GDA: variants seen among roughly 807,000 people sequenced by gnomAD.
GDA encodes guanine deaminase, also known as cytoplasmic PSD-95 interactor.
GDA carries 18 observed loss-of-function variants against 59.6 expected under a neutral mutation model. The observed-to-expected ratio is 0.30, with a 90% CI of 0.21 to 0.45. The LOEUF (loss-of-function observed/expected upper bound fraction) is 0.45. Ranked by LOEUF, GDA falls within the 20% of genes least tolerant of loss-of-function variation. The probability of loss-of-function intolerance (pLI) is 1.00; values close to 1 mark genes in which losing one functional copy is unlikely to be tolerated. For synonymous variants in GDA, 201 were observed against 201.1 expected, an observed-to-expected ratio of 1.00 and a Z score of 0.00; for missense variants, 427 against 552.3, an observed-to-expected ratio of 0.77 and a Z score of 2.27.
At chr9:72,141,061 A>G (rs1037126324) in intron 1 of GDA, among the ~76,000 whole-genome samples, 1 of 152,186 alleles carries the variant, frequency 6.6e-6, no homozygotes, top group Admixed American at 6.6e-5. Flanking sequence ...TTAATGCTCC[A>G]TGGGGGAGAA....
intron 1 of GDA, among the ~76,000 whole-genome samples, chr9:72,187,487 C>T (rs752618272): frequency 6.6e-6 from 1 of 152,212 alleles, no homozygotes; most frequent in African/African-American, 2.4e-5. Context: ...GCCTCCAAAA[C>T]GGTGAGCCAA....
At chr9:72,145,088 CT>C (rs1826578371), upstream of GDA, among the ~76,000 whole-genome samples, 4 of 152,154 alleles carry the variant, frequency 2.6e-5, no homozygotes, top group African/African-American at 9.7e-5. Flanking sequence ...TCCCTGCACT[CT>C]CTGTACCTCA....
intron 10 of GDA, among the ~76,000 whole-genome samples, chr9:72,236,963 A>G (rs1393539095): frequency 6.6e-6 from 1 of 151,996 alleles, no homozygotes; most frequent in Admixed American, 6.6e-5. Context: ...TATTTTTAGT[A>G]GAGACAGGGT....
intron 1 of GDA, among the ~76,000 whole-genome samples, chr9:72,165,953 T>C (rs1375797018): frequency 6.6e-6 from 1 of 151,716 alleles, no homozygotes; most frequent in Non-Finnish European, 1.5e-5. Flanking sequence ...CATTTTAAGA[T>C]TTCCCCCTTC....
intron 1 of GDA, among the ~76,000 whole-genome samples, chr9:72,140,155 C>T (rs965332029): frequency 6.6e-5 from 10 of 152,176 alleles, no homozygotes; most frequent in African/African-American, 2.4e-4. Context: ...GGCTATAATG[C>T]TTTTGTTATT....
intron 1 of GDA, among the ~76,000 whole-genome samples, chr9:72,128,230 C>T (rs1019088169): frequency 6.6e-6 from 1 of 152,112 alleles, no homozygotes; most frequent in Non-Finnish European, 1.5e-5. Context: ...TATAAAGCTA[C>T]CTCCATATCT....
chr9:72,254,077 G>T (rs756943571), downstream of GDA, among the ~76,000 whole-genome samples: 3 of 152,294 alleles, frequency 2.0e-5, no homozygotes, highest in East Asian at 5.8e-4. Flanking sequence ...CACAGGTAAC[G>T]CTCACCAATG....
chr9:72,230,502 ATAT>A (rs368997972), intron 9 of GDA, among the ~76,000 whole-genome samples: 18,192 of 137,146 alleles, frequency 0.13, 1,357 homozygotes, highest in African/African-American at 0.22. Flanking sequence ...AAAAAAAAAA[ATAT>A]ATATATATAT....
downstream of GDA, among the ~76,000 whole-genome samples, chr9:72,255,209 A>G (rs556512623): frequency 2.0e-5 from 3 of 152,346 alleles, no homozygotes; most frequent in Non-Finnish European, 4.4e-5. Context: ...CCTGCTTTCA[A>G]TTACATGCAA....
intron 3 of GDA, among the ~76,000 whole-genome samples, chr9:72,205,110 CAAAAAA>C (rs71357549): frequency 2.3e-5 from 2 of 86,182 alleles, no homozygotes; most frequent in Non-Finnish European, 4.4e-5. Flanking sequence ...GACTCTGTCT[CAAAAAA>C]AAAAAAAAAA....
intron 1 of GDA, among the ~76,000 whole-genome samples, chr9:72,138,304 G>A (rs1334951029): frequency 6.6e-6 from 1 of 152,160 alleles, no homozygotes; most frequent in Non-Finnish European, 1.5e-5. Context: ...AGTTAGAAGA[G>A]AAGTGATTGC....
At chr9:72,182,094 ATT>A (rs150947151) in intron 1 of GDA, among the ~76,000 whole-genome samples, 20 of 151,972 alleles carry the variant, frequency 1.3e-4, no homozygotes, top group African/African-American at 3.9e-4. Flanking sequence ...TAAATACTTT[ATT>A]TTTTTTCCCT....
chr9:72,198,957 T>C (rs1177194759), intron 2 of GDA, among the ~76,000 whole-genome samples: 1 of 151,430 alleles, frequency 6.6e-6, no homozygotes, highest in East Asian at 1.9e-4. Context: ...ATTATGATGC[T>C]GATTAAGTAA....
intron 1 of GDA, among the ~76,000 whole-genome samples, chr9:72,180,096 C>T (rs1329222634): frequency 6.6e-6 from 1 of 152,134 alleles, no homozygotes; most frequent in Non-Finnish European, 1.5e-5. Flanking sequence ...CGGTGGCTCA[C>T]ACCTGTAATC....
rs1840704304 is a variant in GDA, at chr9:72,251,721, G to A, written c.*3379G>A. Reference sequence around the variant, plus strand: ...AGCCAGTTTAGGTATGACTTTGGAAGTGCAGAAACAGAAGGATACTGTTAG... The same window carrying A: ...AGCCAGTTTAGGTATGACTTTGGAAATGCAGAAACAGAAGGATACTGTTAG... On this transcript the variant is annotated 3_prime_UTR_variant, in exon 14 of 14. Coordinates refer to ENST00000358399, the MANE Select transcript of GDA (RefSeq NM_004293.5). 1 of 151,950 alleles carries A rather than the reference G, an allele frequency of 6.6e-6. No homozygotes were observed. The highest frequency in any genetic ancestry group is 2.4e-5 in the African/African-American group (1 of 41,384). The allele number at this position is 151,950 out of a possible 1,614,324, so 9.4% of individuals were successfully genotyped here.
At chr9:72,154,193 G>A (rs1349629314) in intron 1 of GDA, among the ~76,000 whole-genome samples, 1 of 152,188 alleles carries the variant, frequency 6.6e-6, no homozygotes, top group Non-Finnish European at 1.5e-5. Flanking sequence ...GCAGGAGCAA[G>A]TCCAATGGAG....
chr9:72,243,941 C>A (rs906928337), intron 11 of GDA, among the ~76,000 whole-genome samples: 1 of 151,992 alleles, frequency 6.6e-6, no homozygotes, highest in Non-Finnish European at 1.5e-5. Context: ...TTTGGGAGTC[C>A]GAGGTGGGCA....
At chr9:72,248,107 T>G (rs1340292784) in intron 13 of GDA, among the ~76,000 whole-genome samples, 165 bp from the exon 14 acceptor site, 1 of 152,170 alleles carries the variant, frequency 6.6e-6, no homozygotes, top group African/African-American at 2.4e-5. Context: ...TTTCTACTAG[T>G]CATATCTTCC....
chr9:72,162,378 T>C (rs369588950), intron 1 of GDA, among the ~76,000 whole-genome samples: 30 of 152,338 alleles, frequency 2.0e-4, no homozygotes, highest in African/African-American at 6.7e-4. Context: ...ATCAGAGGAC[T>C]TGGCTTATTT....
Sources: allele counts gnomAD v4.1 joint callset (sites outside exome capture counted in the v4.1 genomes callset), GRCh38; gene constraint gnomAD v4.1.1; transcripts MANE v1.5; gene names NCBI Gene and HGNC (gene_info 2026-07-23, HGNC 2026-07-21).